Variants in ALG1L2 observed in about 807,000 individuals in gnomAD.
The protein encoded by ALG1L2 is putative glycosyltransferase ALG1L2.
In ALG1L2, 32 loss-of-function variants were observed where a neutral mutation model predicts 29.0. The observed-to-expected ratio is 1.10, with a 90% CI of 0.83 to 1.48. The LOEUF (loss-of-function observed/expected upper bound fraction) is 1.48. Among genes scored for constraint, ALG1L2 ranks in the 40% most tolerant of loss-of-function variants. The pLI, the probability that ALG1L2 is intolerant of heterozygous loss-of-function variation, is 0.00. For synonymous variants in ALG1L2, 110 were observed against 109.5 expected (o/e 1.00, Z -0.03); for missense variants, 318 against 274.1 (o/e 1.16, Z -1.13).
intron 4 of ALG1L2, 76 bp from the exon 5 acceptor site, chr3:130,094,327 G>A (rs1463775936): frequency 3.3e-6 from 5 of 1,527,294 alleles, no homozygotes; most frequent in South Asian, 2.2e-5. Context: ...CCTCCTAGGG[G>A]GGAGTGTCTT....
At chr3:130,085,561 G>T (rs76755477) in intron 1 of ALG1L2, among the ~76,000 whole-genome samples, 7,906 of 148,582 alleles carry the variant, frequency 0.053, 63 homozygotes, top group African/African-American at 0.18. Context: ...ATAAGGACAC[G>T]CATTATACTG....
intron 5 of ALG1L2, 64 bp downstream of exon 5, chr3:130,094,577 C>CTTTTGGCTGGGGCAACGGGGGGGGGG: frequency 7.0e-6 from 2 of 286,992 alleles, no homozygotes; most frequent in Non-Finnish European, 6.5e-6. Flanking sequence ...CAGGGGTGGG[C>CTTTTGGCTGGGGCAACGGGGGGGGGG]GGGGTGTACC....
intron 1 of ALG1L2, chr3:130,090,958 G>A (rs1331975688): frequency 2.3e-5 from 9 of 383,930 alleles, no homozygotes; most frequent in South Asian, 2.3e-5. Flanking sequence ...GACCCAGGCA[G>A]TGCAGAGCCA....
intron 1 of ALG1L2, among the ~76,000 whole-genome samples, chr3:130,088,344 G>T (rs1934937434): frequency 6.6e-6 from 1 of 152,308 alleles, no homozygotes; most frequent in South Asian, 2.1e-4. Flanking sequence ...GGACCTAGTG[G>T]GAGGTAACTA....
chr3:130,092,203 C>G lies in ALG1L2; in HGVS notation c.234C>G (p.Val78=). Residue 78 remains valine (V), a synonymous_variant, in exon 3 of 8, where the codon GTC becomes GTG. Coordinates refer to ENST00000425059, the MANE Select transcript of ALG1L2 (RefSeq NM_001136152.1). ...TCCACGAGCGGCCAGCCCTGCTGGTCAGCAGCACAAGCTGGACAGGTCTGC... is the reference window on the plus strand; with the variant it reads ...TCCACGAGCGGCCAGCCCTGCTGGTGAGCAGCACAAGCTGGACAGGTCTGC... ...TRLHERPALL[V]SSTSWTEFEQ... The G allele has an allele frequency of 6.2e-7, 1 of 1,611,318 alleles. No homozygotes were observed.
intron 1 of ALG1L2, chr3:130,090,582 C>T (rs1278919052): frequency 6.6e-6 from 1 of 152,382 alleles, no homozygotes; most frequent in Non-Finnish European, 1.5e-5. Flanking sequence ...TAGTAATTTA[C>T]AACTTAATAG....
In ALG1L2 at chr3:130,092,227, G is replaced by C; in HGVS notation, c.253+5G>C. On this transcript the variant is annotated splice_donor_5th_base_variant and intron_variant, in intron 3 of 7. Coordinates refer to ENST00000425059, the MANE Select transcript of ALG1L2 (RefSeq NM_001136152.1). ...TCAGCAGCACAAGCTGGACAGGTCT[G>C]CATGACCACTGGGGCACTTGGGGTT... 1 of 1,609,138 alleles carries C rather than the reference G, an allele frequency of 6.2e-7. No individual in the cohort carries two copies.
At chr3:130,091,903 G>C (rs1450972122) in intron 2 of ALG1L2, 198 bp from the exon 3 acceptor site, 4 of 861,234 alleles carry the variant, frequency 4.6e-6, no homozygotes, top group African/African-American at 3.4e-5. Context: ...CTTGTTTGCT[G>C]TTGTAACCTT....
rs186076881 is a variant in ALG1L2 at position 130,084,822 on chromosome 3, C to T, written c.20+2786C>T. Among the ~76,000 whole-genome samples, 418 of 130,460 alleles carry T rather than the reference C, an allele frequency of 3.2e-3. 32 individuals carry two copies. The highest frequency in any genetic ancestry group is 9.4e-3 in the African/African-American group (367 of 38,914). The allele number at this position is 130,460 out of a possible 152,430, so 85.6% of individuals were successfully genotyped here. On this transcript the variant is annotated intron_variant, in intron 1 of 7. Coordinates refer to ENST00000425059, the MANE Select transcript of ALG1L2 (RefSeq NM_001136152.1). Reference sequence around the variant, plus strand: ...TTGTGGAGCAGAAGTCCAGTCTTCACGTGGTCTTCTCCCTGTGTGCATCTG... The same window carrying T: ...TTGTGGAGCAGAAGTCCAGTCTTCATGTGGTCTTCTCCCTGTGTGCATCTG...
At position 130,097,097 on chromosome 3, in the gene ALG1L2, G is replaced by C. The variant is rs1206200061; in HGVS notation, c.540-78G>C. 4.5e-5 allele frequency: 71 copies of C among 1,581,340 alleles called. No individual in the cohort carries two copies. In the East Asian group the frequency reaches 1.5e-3, roughly 32 times the overall value. On this transcript the variant is annotated intron_variant, in intron 6 of 7. Coordinates refer to ENST00000425059, the MANE Select transcript of ALG1L2 (RefSeq NM_001136152.1). Reference sequence around the variant, plus strand: ...CCAGCCTGGCTTGAGCGTGGGGTGGGTGGGAGCCCAGCTGGGCACCCCAGG... The same window carrying C: ...CCAGCCTGGCTTGAGCGTGGGGTGGCTGGGAGCCCAGCTGGGCACCCCAGG...
intron 3 of ALG1L2, 41 bp downstream of exon 3, chr3:130,092,263 G>T (rs545558873): frequency 1.3e-6 from 2 of 1,594,810 alleles, no homozygotes; most frequent in Non-Finnish European, 8.5e-7. Context: ...GGTGTGAAGG[G>T]CACCTGGCCA....
At position 130,089,138 on chromosome 3, in the gene ALG1L2, C is replaced by T. The variant is rs142561029; in HGVS notation, c.21-2123C>T. Among the ~76,000 whole-genome samples the T allele has an allele frequency of 8.3e-3, 1,263 of 152,332 alleles. 1 individual carries two copies. Among genetic ancestry groups the T allele is most frequent in the Non-Finnish European group, 0.012 (820 of 68,016 alleles). ...TCTGGGAGGGTTCTTGGGAAAGGGG[C>T]TAGAGAAGGCAAGAGGACACTAATC... On this transcript the variant is annotated intron_variant, in intron 1 of 7. Coordinates refer to ENST00000425059, the MANE Select transcript of ALG1L2 (RefSeq NM_001136152.1).
At chr3:130,091,589 C>T (rs1240643966) in intron 2 of ALG1L2, among the ~76,000 whole-genome samples, 8 of 152,210 alleles carry the variant, frequency 5.3e-5, no homozygotes, top group African/African-American at 1.4e-4. Flanking sequence ...AGCAGAATCG[C>T]GTTTTGCAAC....
chr3:130,095,963 C>CG (rs71158106), intron 5 of ALG1L2, 86 bp from the exon 6 acceptor site: 58 of 1,422,830 alleles, frequency 4.1e-5, no homozygotes, highest in Non-Finnish European at 5.2e-5. Context: ...TCACTCCCCT[C>CG]GGGGGGTGTT....
At chr3:130,092,266 C>T in intron 3 of ALG1L2, 44 bp downstream of exon 3, 1 of 1,590,892 alleles carries the variant, frequency 6.3e-7, no homozygotes, top group Non-Finnish European at 8.5e-7. Flanking sequence ...GTGAAGGGCA[C>T]CTGGCCAACC....
intron 1 of ALG1L2, among the ~76,000 whole-genome samples, chr3:130,088,222 G>A (rs1345596209): frequency 6.6e-6 from 1 of 152,296 alleles, no homozygotes; most frequent in Non-Finnish European, 1.5e-5. Flanking sequence ...TGCCTCAGTG[G>A]CCAATATGCA....
chr3:130,086,514 C>G (rs1934893417), intron 1 of ALG1L2, among the ~76,000 whole-genome samples: 1 of 149,870 alleles, frequency 6.7e-6, no homozygotes, highest in African/African-American at 2.5e-5. Context: ...AACAACTAAA[C>G]TAAATAAAAT....
At chr3:130,087,080 G>A (rs1182982763) in intron 1 of ALG1L2, among the ~76,000 whole-genome samples, 1,491 of 141,530 alleles carry the variant, frequency 0.011, 15 homozygotes, top group Middle Eastern at 0.034. Context: ...TAAGATGACC[G>A]GTTAACCAGA....
At chr3:130,095,456 A>G (rs1439287191) in intron 5 of ALG1L2, among the ~76,000 whole-genome samples, 1 of 140,184 alleles carries the variant, frequency 7.1e-6, no homozygotes, top group Admixed American at 7.1e-5. Flanking sequence ...TTATTTTGAG[A>G]CGGAGTTTCG....
Sources: gnomAD v4.1 joint callset for allele counts (sites outside exome capture counted in the v4.1 genomes callset) on GRCh38, gnomAD v4.1.1 for gene constraint, MANE v1.5 for transcripts, NCBI Gene and HGNC (gene_info 2026-07-23, HGNC 2026-07-21) for gene names.